Variants in DHX9 observed in about 807,000 individuals in gnomAD.
The protein encoded by DHX9 is DExH-box helicase 9.
DHX9 carries 27 observed loss-of-function variants against 148.7 expected under a neutral mutation model. The observed-to-expected ratio is 0.18, with a 90% CI of 0.13 to 0.25. The LOEUF (loss-of-function observed/expected upper bound fraction) is 0.25, where lower values mean the gene tolerates loss of function less well. Ranked by LOEUF, DHX9 falls within the 10% of genes least tolerant of loss-of-function variation. The pLI is 1.00. For synonymous variants in DHX9, 529 were observed against 516.6 expected (o/e 1.02, Z -0.33); for missense variants, 796 against 1,559.6 (o/e 0.51, Z 8.25).
At chr1:182,882,984 G>A (rs1456030210) in intron 24 of DHX9, among the ~76,000 whole-genome samples, 155 bp from the exon 25 acceptor site, 1 of 152,096 alleles carries the variant, frequency 6.6e-6, no homozygotes, top group Non-Finnish European at 1.5e-5. Context: ...AACTTAATCT[G>A]GGTGTAAGGA....
intron 3 of DHX9, among the ~76,000 whole-genome samples, chr1:182,846,141 G>A (rs1668024780): frequency 6.6e-6 from 1 of 152,066 alleles, no homozygotes; most frequent in Admixed American, 6.5e-5. Context: ...CTGCCAGCCA[G>A]CAGTCAACTC....
chr1:182,843,925 G>A (rs1337168560), intron 3 of DHX9, among the ~76,000 whole-genome samples: 1 of 152,030 alleles, frequency 6.6e-6, no homozygotes, highest in Non-Finnish European at 1.5e-5. Flanking sequence ...AACCCCCTTA[G>A]TAGCTGGACT....
intron 12 of DHX9, among the ~76,000 whole-genome samples, chr1:182,861,944 A>G (rs983113390): frequency 6.6e-6 from 1 of 152,244 alleles, no homozygotes. Flanking sequence ...ATGAAGGTAC[A>G]GTAAGTCTAA....
intron 27 of DHX9, among the ~76,000 whole-genome samples, chr1:182,886,173 A>T (rs534481317): frequency 4.5e-4 from 67 of 148,792 alleles, no homozygotes; most frequent in African/African-American, 9.1e-4. Flanking sequence ...TTTTATTTTT[A>T]TTTTTTTTTA....
Position 182,880,534 on chromosome 1 carries a change from T to C in DHX9, c.2550T>C (p.Pro850=), listed in dbSNP as rs770676671. Residue 850 remains proline (P), a synonymous_variant, in exon 22 of 28, where the codon CCT becomes CCC. Coordinates refer to ENST00000367549, the MANE Select transcript of DHX9 (RefSeq NM_001357.5). ...DALDANDELT[P]LGRILAKLPI... ...TAGATGCCAATGATGAGTTGACTCC[T>C]TTGGGACGAATCCTGGCTAAACTCC... The C allele has an allele frequency of 4.3e-6, 7 of 1,613,960 alleles. No individual in the cohort carries two copies. In the Admixed American group the frequency reaches 1.2e-4, roughly 27 times the overall value.
intron 15 of DHX9, among the ~76,000 whole-genome samples, chr1:182,873,174 T>C (rs1365813884): frequency 6.6e-6 from 1 of 152,158 alleles, no homozygotes; most frequent in African/African-American, 2.4e-5. Flanking sequence ...CAAGCTGCTC[T>C]CAAACTCATG....
chr1:182,873,908 G>A (rs1352558696), intron 15 of DHX9, among the ~76,000 whole-genome samples: 2 of 152,118 alleles, frequency 1.3e-5, no homozygotes, highest in African/African-American at 4.8e-5. Flanking sequence ...CCTAAAAGAA[G>A]CCCATAACGA....
chr1:182,876,000 C>T (rs1345349303), intron 16 of DHX9, 50 bp from the exon 17 acceptor site: 18 of 1,455,734 alleles, frequency 1.2e-5, no homozygotes, highest in Non-Finnish European at 1.5e-5. Flanking sequence ...GAAGACTTAC[C>T]TCATGAGTAA....
intron 7 of DHX9, 116 bp from the exon 8 acceptor site, chr1:182,857,988 G>A (rs563365147): frequency 3.9e-6 from 4 of 1,027,624 alleles, no homozygotes; most frequent in Non-Finnish European, 5.6e-6. Flanking sequence ...TAGAAGCCAT[G>A]GCATACCCTG....
intron 12 of DHX9, among the ~76,000 whole-genome samples, chr1:182,866,086 C>T (rs961209624): frequency 2.0e-5 from 3 of 152,178 alleles, no homozygotes; most frequent in African/African-American, 4.8e-5. Context: ...TGTTCACCTT[C>T]CTGATTCCCA....
intron 3 of DHX9, among the ~76,000 whole-genome samples, chr1:182,843,851 G>A (rs1349392884): frequency 1.3e-5 from 2 of 152,154 alleles, no homozygotes; most frequent in Non-Finnish European, 1.5e-5. Context: ...AAGCTAGAAT[G>A]CAGTGACACA....
At position 182,858,822 on chromosome 1, in the gene DHX9, T is replaced by A. The variant is rs1394880683; in HGVS notation, c.990T>A (p.Val330=). The A allele has an allele frequency of 6.2e-7, 1 of 1,614,208 alleles. No individual in the cohort carries two copies. The highest frequency in any genetic ancestry group is 2.2e-5 in the East Asian group (1 of 44,878). Residue 330 remains valine (V), a synonymous_variant, in exon 10 of 28, where the codon GTT becomes GTA. Coordinates refer to ENST00000367549, the MANE Select transcript of DHX9 (RefSeq NM_001357.5). ...PSQRQNQVGV[V]PWSPPQSNWN... ...AGCGACAAAACCAAGTGGGTGTGGT[T>A]CCTTGGTCACCTCCACAATCCAACT... is the stretch of plus-strand genomic sequence containing the variant.
chr1:182,880,440 G>A, intron 21 of DHX9, 57 bp from the exon 22 acceptor site: 1 of 1,175,264 alleles, frequency 8.5e-7, no homozygotes, highest in Non-Finnish European at 1.3e-6. Flanking sequence ...GTAATGTTTT[G>A]TCTGCCTAAA....
intron 15 of DHX9, among the ~76,000 whole-genome samples, chr1:182,873,404 G>C (rs1048276013): frequency 6.6e-6 from 1 of 152,234 alleles, no homozygotes; most frequent in African/African-American, 2.4e-5. Context: ...TGATGTTATG[G>C]CTATGCCAGC....
At chr1:182,857,503 G>A (rs1668277302) in intron 7 of DHX9, among the ~76,000 whole-genome samples, 1 of 152,134 alleles carries the variant, frequency 6.6e-6, no homozygotes. Context: ...TCACATTTTA[G>A]ACTTTACAGG....
intron 12 of DHX9, among the ~76,000 whole-genome samples, chr1:182,862,085 C>T (rs1043587943): frequency 7.9e-5 from 12 of 152,154 alleles, no homozygotes; most frequent in Non-Finnish European, 1.8e-4. Context: ...TCTTTTGGCA[C>T]AGTCTGAGAT....
intron 14 of DHX9, among the ~76,000 whole-genome samples, chr1:182,867,400 C>T (rs945621989): frequency 9.2e-5 from 14 of 151,826 alleles, no homozygotes; most frequent in African/African-American, 3.4e-4. Context: ...ATTTTATAAT[C>T]GTTTTTTGTT....
intron 3 of DHX9, among the ~76,000 whole-genome samples, chr1:182,848,948 G>A (rs547602196): frequency 1.3e-5 from 2 of 152,286 alleles, no homozygotes; most frequent in South Asian, 4.1e-4. Context: ...CAGTACCAAG[G>A]AAAGTGGTAC....
chr1:182,882,988 G>A, intron 24 of DHX9, 151 bp from the exon 25 acceptor site: 1 of 618,496 alleles, frequency 1.6e-6, no homozygotes, highest in Non-Finnish European at 2.9e-6. Context: ...TAATCTGGGT[G>A]TAAGGATTCT....
Sources: gnomAD v4.1 joint callset for allele counts (sites outside exome capture counted in the v4.1 genomes callset) on GRCh38, gnomAD v4.1.1 for gene constraint, MANE v1.5 for transcripts, NCBI Gene and HGNC (gene_info 2026-07-23, HGNC 2026-07-21) for gene names.